VWA3B: variants seen among roughly 807,000 people sequenced by gnomAD.
VWA3B encodes von Willebrand factor A domain-containing protein 3B.
Under a neutral mutation model 158.3 loss-of-function variants are expected in VWA3B, and 138 were observed. The observed-to-expected ratio is 0.87, with a 90% CI of 0.76 to 1.00. VWA3B has a LOEUF of 1.00. Among genes scored for constraint, VWA3B ranks in the 50% least tolerant of loss-of-function variants. The pLI is 0.00. For missense variants in VWA3B, 1,555 were observed against 1,565.1 expected, an observed-to-expected ratio of 0.99 and a Z score of 0.11; for synonymous variants, 596 against 587.3, an observed-to-expected ratio of 1.01 and a Z score of -0.21.
At chr2:98,148,726 T>C (rs775618817) in intron 7 of VWA3B, among the ~76,000 whole-genome samples, 1 of 152,232 alleles carries the variant, frequency 6.6e-6, no homozygotes, top group Admixed American at 6.5e-5. Context: ...ACACCACTCA[T>C]GCACCCTTTC....
chr2:98,278,651 A>T (rs1318004356), intron 22 of VWA3B, among the ~76,000 whole-genome samples: 1 of 152,084 alleles, frequency 6.6e-6, no homozygotes, highest in Non-Finnish European at 1.5e-5. Flanking sequence ...ATCCCCCTGA[A>T]GTCAAGCTGC....
intron 19 of VWA3B, among the ~76,000 whole-genome samples, chr2:98,249,253 G>A (rs1686638378): frequency 6.6e-6 from 1 of 152,216 alleles, no homozygotes; most frequent in Non-Finnish European, 1.5e-5. Flanking sequence ...GGCACACTGT[G>A]TGCCAGGTAC....
At position 98,236,561 on chromosome 2, in the gene VWA3B, C is replaced by T; in HGVS notation, c.2517-13C>T. Reference sequence around the variant, plus strand: ...GTTGTAAATTTTAAAACACCACCTCCTTGTGTTCTTAGTTCTTCAGATGTG... The same window carrying T: ...GTTGTAAATTTTAAAACACCACCTCTTTGTGTTCTTAGTTCTTCAGATGTG... On this transcript the variant is annotated splice_polypyrimidine_tract_variant and intron_variant, in intron 18 of 27. Transcript: ENST00000477737. 2 of 1,614,116 alleles carry T rather than the reference C, an allele frequency of 1.2e-6. No homozygotes were observed.
At chr2:98,254,088 A>G (rs961824345) in intron 20 of VWA3B, among the ~76,000 whole-genome samples, 7 of 152,176 alleles carry the variant, frequency 4.6e-5, no homozygotes, top group Non-Finnish European at 1.0e-4. Flanking sequence ...ACATTTACCA[A>G]TGATTACTCA....
intron 7 of VWA3B, among the ~76,000 whole-genome samples, chr2:98,138,966 C>A (rs1001607206): frequency 1.3e-5 from 2 of 152,228 alleles, no homozygotes; most frequent in Admixed American, 6.5e-5. Flanking sequence ...TGACCAAGGC[C>A]GGAGTCGGCT....
intron 6 of VWA3B, among the ~76,000 whole-genome samples, chr2:98,131,105 C>T (rs923417050): frequency 6.6e-6 from 1 of 152,284 alleles, no homozygotes; most frequent in Non-Finnish European, 1.5e-5. Flanking sequence ...TTTTATCCCC[C>T]GATCCTCACA....
chr2:98,164,954 T>G (rs1678939495), intron 8 of VWA3B, among the ~76,000 whole-genome samples: 1 of 152,208 alleles, frequency 6.6e-6, no homozygotes, highest in Non-Finnish European at 1.5e-5. Flanking sequence ...GTTTGTCTCT[T>G]TTAGCCTTAT....
intron 2 of VWA3B, among the ~76,000 whole-genome samples, chr2:98,097,492 A>T (rs1324790181): frequency 1.3e-5 from 2 of 152,090 alleles, no homozygotes; most frequent in Non-Finnish European, 2.9e-5. Flanking sequence ...TTATCCACTC[A>T]TTGGTTGATG....
chr2:98,324,985 C>A, the VWA3B span, among the ~76,000 whole-genome samples: 15 of 150,690 alleles, frequency 1.0e-4, no homozygotes, highest in East Asian at 1.9e-4. Flanking sequence ...TGAGACTGAT[C>A]AATAGAAATT....
chr2:98,221,980 T>C (rs927263038), intron 14 of VWA3B, among the ~76,000 whole-genome samples: 4 of 151,970 alleles, frequency 2.6e-5, no homozygotes, highest in African/African-American at 9.7e-5. Flanking sequence ...CGCTCTGCTT[T>C]CCCCCATCCG....
intron 14 of VWA3B, among the ~76,000 whole-genome samples, chr2:98,225,880 A>T (rs1201444758): frequency 6.6e-6 from 1 of 152,262 alleles, no homozygotes; most frequent in African/African-American, 2.4e-5. Context: ...CACCTAAAAA[A>T]GTATGTACAG....
Position 98,290,572 on chromosome 2 carries a change from A to G in VWA3B, c.3107A>G (p.Lys1036Arg). The stretch of plus-strand genomic sequence containing the variant: ...AAATCAAAAAGACCAGATCCCCTCA[A>G]AGGACAGAAGGTTATTGCAAGATGT... ...KTKSKRPDPL[K>R]GQKVIARCDE... The change falls in exon 23 of 28, where the codon AAA becomes AGA. Residue 1036 changes from lysine (K) to arginine (R), a missense_variant. Lys to Arg is a conservative substitution (Grantham distance 26). Coordinates refer to ENST00000477737, the MANE Select transcript of VWA3B (RefSeq NM_144992.5). 1 of 1,593,894 alleles carries G rather than the reference A, an allele frequency of 6.3e-7. No homozygotes were observed. The highest frequency in any genetic ancestry group is 8.5e-7 in the Non-Finnish European group (1 of 1,174,670).
chr2:98,328,521 A>G, the VWA3B span, among the ~76,000 whole-genome samples: 1 of 152,256 alleles, frequency 6.6e-6, no homozygotes, highest in East Asian at 1.9e-4. Context: ...AAGTCAATAT[A>G]CAAAACTCAA....
At chr2:98,154,716 C>A (rs960400379) in intron 7 of VWA3B, among the ~76,000 whole-genome samples, 14 of 152,220 alleles carry the variant, frequency 9.2e-5, no homozygotes, top group African/African-American at 3.4e-4. Context: ...CATCACCTAA[C>A]ACACGGGGCA....
At chr2:98,206,503 G>T in intron 12 of VWA3B, 2 of 474,304 alleles carry the variant, frequency 4.2e-6, no homozygotes, top group Non-Finnish European at 8.3e-6. Flanking sequence ...CAGAAGGCTT[G>T]TTTAGAGGCC....
At chr2:98,234,267 G>A (rs1446777961) in intron 16 of VWA3B, among the ~76,000 whole-genome samples, 3 of 152,204 alleles carry the variant, frequency 2.0e-5, no homozygotes, top group Non-Finnish European at 4.4e-5. Flanking sequence ...ACCACAAGAG[G>A]AATTCAATGT....
chr2:98,090,741 ATCTTTTT>A (rs1573727116), intron 1 of VWA3B, among the ~76,000 whole-genome samples: 1 of 152,058 alleles, frequency 6.6e-6, no homozygotes, highest in East Asian at 1.9e-4. Flanking sequence ...GGAAATTATT[ATCTTTTT>A]TTTTTTTTGA....
intron 26 of VWA3B, among the ~76,000 whole-genome samples, chr2:98,305,952 C>T (rs757568663): frequency 1.3e-5 from 2 of 152,122 alleles, no homozygotes; most frequent in Non-Finnish European, 2.9e-5. Flanking sequence ...GTTGGTCTGG[C>T]CCAGACCTGC....
At chr2:98,138,424 TA>T (rs1352962046) in intron 7 of VWA3B, among the ~76,000 whole-genome samples, 1 of 152,228 alleles carries the variant, frequency 6.6e-6, no homozygotes, top group Non-Finnish European at 1.5e-5. Flanking sequence ...AGAGATCCAT[TA>T]AAAATTCCAT....
Sources: allele counts gnomAD v4.1 joint callset (sites outside exome capture counted in the v4.1 genomes callset), GRCh38; gene constraint gnomAD v4.1.1; transcripts MANE v1.5; gene names NCBI Gene and HGNC (gene_info 2026-07-23, HGNC 2026-07-21).